DCBLD1: variants seen among roughly 807,000 people sequenced by gnomAD.
DCBLD1 encodes discoidin, CUB and LCCL domain containing 1.
A neutral mutation model predicts 71.5 loss-of-function variants in DCBLD1; 57 were observed. That is an observed-to-expected ratio of 0.80 (90% CI 0.64 to 0.99). The LOEUF (loss-of-function observed/expected upper bound fraction) is 0.99, where lower values mean the gene tolerates loss of function less well. Ranked by LOEUF, DCBLD1 falls within the 50% of genes least tolerant of loss-of-function variation. The pLI, the probability that DCBLD1 is intolerant of heterozygous loss-of-function variation, is 0.00. For missense variants in DCBLD1, 891 were observed against 923.5 expected (o/e 0.96, Z 0.46); for synonymous variants, 380 against 363.8 (o/e 1.04, Z -0.51).
At chr6:117,511,802 T>C (rs1319810701) in intron 2 of DCBLD1, among the ~76,000 whole-genome samples, 1 of 152,198 alleles carries the variant, frequency 6.6e-6, no homozygotes, top group Non-Finnish European at 1.5e-5. Flanking sequence ...AGGAAAAATT[T>C]TTATGGCTTT....
chr6:117,519,799 G>A lies in DCBLD1; in HGVS notation c.326-17G>A, dbSNP rs756416711. The A allele has an allele frequency of 2.5e-6, 4 of 1,599,034 alleles. No individual in the cohort carries two copies. Among genetic ancestry groups the A allele is most frequent in the South Asian group, 1.1e-5 (1 of 90,492 alleles). On this transcript the variant is annotated splice_polypyrimidine_tract_variant and intron_variant, in intron 2 of 14. Transcript: ENST00000338728. ...GTATAAATTTTGAAATGTGCCACAAGTGTGCTTTGTTTTTAGGTCCATACT... is the reference window on the plus strand; with the variant it reads ...GTATAAATTTTGAAATGTGCCACAAATGTGCTTTGTTTTTAGGTCCATACT...
chr6:117,528,823 G>A (rs1469255560), intron 5 of DCBLD1, among the ~76,000 whole-genome samples: 5 of 152,104 alleles, frequency 3.3e-5, no homozygotes, highest in Non-Finnish European at 7.4e-5. Context: ...CAAGTAAAAT[G>A]CATTAGGGAA....
intron 2 of DCBLD1, among the ~76,000 whole-genome samples, chr6:117,513,333 A>C (rs938742864): frequency 1.3e-5 from 2 of 151,740 alleles, no homozygotes; most frequent in East Asian, 1.9e-4. Context: ...AAAGAAGGCA[A>C]CTCCTACAGT....
intron 14 of DCBLD1, chr6:117,561,585 GT>G: frequency 4.8e-6 from 1 of 208,732 alleles, no homozygotes; most frequent in East Asian, 7.2e-5. Context: ...AAAACAAGTT[GT>G]TTTTTTTCTT....
chr6:117,492,513 A>G (rs541193739), intron 1 of DCBLD1, among the ~76,000 whole-genome samples: 45 of 152,330 alleles, frequency 3.0e-4, no homozygotes, highest in Admixed American at 2.4e-3. Context: ...AGGGGAACAC[A>G]GTTTGAGGGA....
chr6:117,526,673 A>C (rs749085848), intron 5 of DCBLD1, among the ~76,000 whole-genome samples: 4 of 152,108 alleles, frequency 2.6e-5, no homozygotes, highest in Non-Finnish European at 5.9e-5. Flanking sequence ...ATTTTGCACT[A>C]TTTGCTTTTA....
chr6:117,509,629 C>G (rs896536294), intron 2 of DCBLD1, among the ~76,000 whole-genome samples: 1 of 152,102 alleles, frequency 6.6e-6, no homozygotes, highest in Non-Finnish European at 1.5e-5. Context: ...GCCGCCTCTT[C>G]TTCTTCCTCC....
chr6:117,560,442 A>T (rs1759), intron 14 of DCBLD1: 86,159 of 189,856 alleles, frequency 0.45, 20,582 homozygotes, highest in South Asian at 0.63. Context: ...AAGACTGGAT[A>T]GATGGAATAG....
intron 14 of DCBLD1, among the ~76,000 whole-genome samples, chr6:117,557,093 G>T (rs1366735142): frequency 6.6e-6 from 1 of 151,822 alleles, no homozygotes; most frequent in Non-Finnish European, 1.5e-5. Flanking sequence ...ACAACCAAAT[G>T]CCCTCTTAAA....
chr6:117,538,838 G>T lies in DCBLD1; in HGVS notation c.976+3G>T, dbSNP rs369948200. 7.1e-5 allele frequency: 114 copies of T among 1,608,604 alleles called. No homozygotes were observed. Among genetic ancestry groups the T allele is most frequent in the Non-Finnish European group, 9.3e-5 (110 of 1,177,504 alleles). On this transcript the variant is annotated splice_donor_region_variant and intron_variant, in intron 8 of 14. Transcript: ENST00000338728. ...GGGGGAGAAAAAGAAAATAACAGGT[G>T]CAGAAAATAACACAAGTGCCAAGTG...
In DCBLD1 at chr6:117,503,948, T is replaced by C; in HGVS notation, c.294T>C (p.Tyr98=). The C allele has an allele frequency of 1.2e-6, 2 of 1,614,186 alleles. No homozygotes were observed. Among genetic ancestry groups the C allele is most frequent in the Middle Eastern group, 1.7e-4 (1 of 6,060 alleles). The change falls in exon 2 of 15, where the codon TAT becomes TAC. Residue 98 remains tyrosine (Y), a synonymous_variant. Transcript: ENST00000338728. ...DIESQTCASD[Y]LLFTSSSDQY... is the part of the protein sequence containing the mutation. ...AATCCCAGACCTGTGCTTCTGACTA[T>C]CTTCTCTTCACCAGCTCTTCAGATC...
Position 117,537,165 on chromosome 6 carries a change from G to T in DCBLD1, c.720-20G>T, listed in dbSNP as rs117599001. On this transcript the variant is annotated intron_variant, in intron 6 of 14. Transcript: ENST00000338728. ...GTAGGTGAGCAACTTACCTTCTCAT[G>T]TTTGTCTTTATTGTTTCAGTGGTTC... is the stretch of plus-strand genomic sequence containing the variant. The T allele has an allele frequency of 6.2e-7, 1 of 1,613,828 alleles. No individual in the cohort carries two copies. Among genetic ancestry groups the T allele is most frequent in the Admixed American group, 1.7e-5 (1 of 60,012 alleles).
At chr6:117,483,647 A>G (rs1220689053) in intron 1 of DCBLD1, among the ~76,000 whole-genome samples, 2 of 150,372 alleles carry the variant, frequency 1.3e-5, no homozygotes, top group African/African-American at 4.9e-5. Context: ...TAAAGCAGCA[A>G]CCCCCTTTAC....
intron 1 of DCBLD1, among the ~76,000 whole-genome samples, chr6:117,491,867 G>T (rs1156850609): frequency 1.3e-5 from 2 of 152,124 alleles, no homozygotes; most frequent in African/African-American, 4.8e-5. Context: ...TACTTGGTGC[G>T]CTATACCTGT....
chr6:117,510,228 C>T (rs1392941484), intron 2 of DCBLD1, among the ~76,000 whole-genome samples: 1 of 152,128 alleles, frequency 6.6e-6, no homozygotes, highest in African/African-American at 2.4e-5. Flanking sequence ...CCAAATGCAT[C>T]ATACGGTTTC....
chr6:117,549,945 A>G (rs1055402414), downstream of DCBLD1: 108 of 806,292 alleles, frequency 1.3e-4, no homozygotes, highest in South Asian at 1.6e-3. Context: ...ACAGAAGAGA[A>G]GTCTGGCTGC....
chr6:117,492,510 C>T (rs1777328266), intron 1 of DCBLD1, among the ~76,000 whole-genome samples: 1 of 152,172 alleles, frequency 6.6e-6, no homozygotes, highest in African/African-American at 2.4e-5. Flanking sequence ...CATAGGGGAA[C>T]ACAGTTTGAG....
At chr6:117,522,484 C>G (rs1778417380) in intron 4 of DCBLD1, among the ~76,000 whole-genome samples, 2 of 151,986 alleles carry the variant, frequency 1.3e-5, no homozygotes, top group South Asian at 4.2e-4. Context: ...CTCTTTTGCC[C>G]AGGCTGGAGT....
At chr6:117,510,829 A>C (rs1777994772) in intron 2 of DCBLD1, among the ~76,000 whole-genome samples, 1 of 152,232 alleles carries the variant, frequency 6.6e-6, no homozygotes, top group African/African-American at 2.4e-5. Flanking sequence ...TATGCTTATT[A>C]TGTGGAAAAG....
Sources: allele counts gnomAD v4.1 joint callset (sites outside exome capture counted in the v4.1 genomes callset), GRCh38; gene constraint gnomAD v4.1.1; transcripts MANE v1.5; gene names NCBI Gene and HGNC (gene_info 2026-07-23, HGNC 2026-07-21).